Variants in PLXNA4 observed in about 807,000 individuals in gnomAD.
PLXNA4 encodes the protein plexin A4.
Under a neutral mutation model 191.8 loss-of-function variants are expected in PLXNA4, and 44 were observed. The ratio of observed to expected loss-of-function variants is 0.23; its 90% CI spans 0.18 to 0.29. PLXNA4 has a LOEUF of 0.29. Ranked by LOEUF, PLXNA4 falls within the 10% of genes least tolerant of loss-of-function variation. The pLI, the probability that PLXNA4 is intolerant of heterozygous loss-of-function variation, is 1.00. For synonymous variants in PLXNA4, 1,082 were observed against 1,009.5 expected, an observed-to-expected ratio of 1.07 and a Z score of -1.36; for missense variants, 1,800 against 2,488.8, an observed-to-expected ratio of 0.72 and a Z score of 5.89.
intron 1 of PLXNA4, among the ~76,000 whole-genome samples, chr7:132,534,356 CTG>C (rs1175165016): frequency 1.3e-5 from 2 of 152,198 alleles, no homozygotes; most frequent in Non-Finnish European, 2.9e-5. Flanking sequence ...CCCCTCCCCT[CTG>C]TGAGAGGGCC....
At chr7:132,463,699 A>T (rs1796598517) in intron 3 of PLXNA4, among the ~76,000 whole-genome samples, 1 of 152,194 alleles carries the variant, frequency 6.6e-6, no homozygotes, top group African/African-American at 2.4e-5. Flanking sequence ...TTACGGGGAC[A>T]CACCATGAGG....
chr7:132,204,247 T>C (rs955648776), intron 10 of PLXNA4, among the ~76,000 whole-genome samples: 4 of 152,064 alleles, frequency 2.6e-5, no homozygotes, highest in Non-Finnish European at 5.9e-5. Flanking sequence ...TTGAAGATGA[T>C]GGTGGAGGGG....
At chr7:132,395,029 G>A (rs1054292558) in intron 3 of PLXNA4, among the ~76,000 whole-genome samples, 22 of 152,240 alleles carry the variant, frequency 1.4e-4, no homozygotes, top group Non-Finnish European at 2.1e-4. Context: ...ACACTCCAGC[G>A]AAAGTGAAGC....
At chr7:132,537,809 A>G (rs1799912231) in intron 1 of PLXNA4, among the ~76,000 whole-genome samples, 1 of 152,360 alleles carries the variant, frequency 6.6e-6, no homozygotes, top group East Asian at 1.9e-4. Flanking sequence ...GAAAGTCTTT[A>G]TCTAGATCAA....
At chr7:132,432,992 A>G (rs1294675215) in intron 3 of PLXNA4, among the ~76,000 whole-genome samples, 1 of 152,194 alleles carries the variant, frequency 6.6e-6, no homozygotes, top group East Asian at 1.9e-4. Context: ...GTTTCTCATT[A>G]TACTTACATT....
intron 22 of PLXNA4, 71 bp from the exon 23 acceptor site, chr7:132,165,271 T>TG (rs1237611967): frequency 3.2e-6 from 5 of 1,561,966 alleles, no homozygotes. Flanking sequence ...GCCCGTGGGC[T>TG]GGGAAGGGCA....
intron 1 of PLXNA4, among the ~76,000 whole-genome samples, chr7:132,565,208 G>A (rs1019659139): frequency 1.1e-4 from 16 of 152,132 alleles, no homozygotes; most frequent in Admixed American, 5.9e-4. Flanking sequence ...CTGCAGACGC[G>A]AAACAGCAAG....
intron 3 of PLXNA4, among the ~76,000 whole-genome samples, chr7:132,314,924 T>C (rs540535205): frequency 9.9e-5 from 15 of 152,282 alleles, no homozygotes; most frequent in Admixed American, 5.2e-4. Context: ...TCTAAGCAGG[T>C]AATTATTTCC....
At chr7:132,281,976 G>C (rs1800494764) in intron 4 of PLXNA4, among the ~76,000 whole-genome samples, 1 of 152,036 alleles carries the variant, frequency 6.6e-6, no homozygotes, top group Admixed American at 6.6e-5. Flanking sequence ...GTAGTATGTT[G>C]AAACTGACTC....
rs1585245956 is a variant in PLXNA4 at position 132,508,921 on chromosome 7, A to C, written c.-86-142T>G. On this transcript the variant is annotated intron_variant, in intron 1 of 31. Transcript: ENST00000321063. The surrounding 1 kb of genome is among the most constrained non-coding windows in gnomAD (Gnocchi z 4.4). ...GGGGTGCTGGAGGCTGACTGAGTCA[A>C]CCCCCACCACGGGCATGTGACACAG... is the stretch of plus-strand genomic sequence containing the variant. 1 of 794,580 alleles carries C rather than the reference A, an allele frequency of 1.3e-6. No individual in the cohort carries two copies. The highest frequency in any genetic ancestry group is 1.8e-6 in the Non-Finnish European group (1 of 553,180). 49.2% of individuals were successfully genotyped at this position (794,580 alleles called of 1,614,324 possible). A position where few individuals can be genotyped will look rare whatever the true frequency, so the allele number is the denominator to read the frequency against.
chr7:132,168,723 A>C, intron 21 of PLXNA4, 151 bp from the exon 22 acceptor site: 1 of 1,151,780 alleles, frequency 8.7e-7, no homozygotes, highest in Non-Finnish European at 1.2e-6. Context: ...CTTAGCACTG[A>C]GTTAAGTATC....
At chr7:132,533,595 G>A (rs1799711082) in intron 1 of PLXNA4, among the ~76,000 whole-genome samples, 1 of 152,154 alleles carries the variant, frequency 6.6e-6, no homozygotes, top group African/African-American at 2.4e-5. Flanking sequence ...TGATGCTCTG[G>A]GCCTCTGTTC....
intron 4 of PLXNA4, among the ~76,000 whole-genome samples, chr7:132,279,258 C>T (rs1800389939): frequency 6.6e-6 from 1 of 152,158 alleles, no homozygotes; most frequent in African/African-American, 2.4e-5. Flanking sequence ...AGAGGACTTC[C>T]ATCACTTGGG....
intron 24 of PLXNA4, among the ~76,000 whole-genome samples, chr7:132,160,253 A>G (rs2116630853): frequency 6.6e-6 from 1 of 152,308 alleles, no homozygotes; most frequent in Non-Finnish European, 1.5e-5. Flanking sequence ...TAAAAATAAA[A>G]AGATGCCCTT....
At position 132,132,445 on chromosome 7, in the gene PLXNA4, CTGTTCTGTTCTGT is replaced by C. The variant is rs1563048197; in HGVS notation, c.5589+591_5589+603del. ...CTGTTCTGTTCTGTTCTGTTCTGTT[CTGTTCTGTTCTGT>C]TCTGTTCTGCTCTGCTCTGCTCTGC... On this transcript the variant is annotated intron_variant, in intron 31 of 31. Transcript: ENST00000321063. 9.8e-3 allele frequency among the ~76,000 whole-genome samples: 508 copies of C among 51,618 alleles called. 13 individuals are homozygous for C. Among genetic ancestry groups the C allele is most frequent in the South Asian group, 0.017 (17 of 996 alleles). The allele number at this position is 51,618 out of a possible 152,430, so 33.9% of individuals were successfully genotyped here.
At chr7:132,385,201 C>T in intron 3 of PLXNA4, 3 of 1,614,004 alleles carry the variant, frequency 1.9e-6, no homozygotes, top group Non-Finnish European at 2.5e-6. Context: ...GTTTGATGAA[C>T]AGCTGGAGAA....
intron 3 of PLXNA4, among the ~76,000 whole-genome samples, chr7:132,439,736 T>G (rs1795616839): frequency 6.6e-6 from 1 of 152,156 alleles, no homozygotes; most frequent in African/African-American, 2.4e-5. Flanking sequence ...CAACCAAAGT[T>G]TGCGGTCCTA....
chr7:132,613,200 A>T, intron 2 of PLXNA4, among the ~76,000 whole-genome samples: 1 of 152,044 alleles, frequency 6.6e-6, no homozygotes, highest in East Asian at 1.9e-4. Context: ...TGGGCTTAGC[A>T]CACCTTGCAC....
chr7:132,157,338 G>A (rs1029205548), intron 25 of PLXNA4, among the ~76,000 whole-genome samples: 7 of 152,154 alleles, frequency 4.6e-5, no homozygotes, highest in Non-Finnish European at 4.4e-5. Context: ...TGCCTGCTTT[G>A]TCTGCTGCTG....
Sources: gnomAD v4.1 joint callset for allele counts (sites outside exome capture counted in the v4.1 genomes callset) on GRCh38, gnomAD v4.1.1 for gene constraint, Gnocchi (gnomAD v3.1) non-coding constraint, MANE v1.5 for transcripts, NCBI Gene and HGNC (gene_info 2026-07-23, HGNC 2026-07-21) for gene names.